Variants in SORCS3 observed in about 807,000 individuals in gnomAD.
SORCS3 encodes the protein sortilin related VPS10 domain containing receptor 3.
In SORCS3, 57 loss-of-function variants were observed where a neutral mutation model predicts 146.3. That is an observed-to-expected ratio of 0.39 (90% CI 0.31 to 0.49). The LOEUF (loss-of-function observed/expected upper bound fraction) is 0.49, where lower values mean the gene tolerates loss of function less well. SORCS3 is among the 20% of genes least tolerant of loss of function. The probability of loss-of-function intolerance (pLI) is 0.92; values close to 1 mark genes in which losing one functional copy is unlikely to be tolerated. For synonymous variants in SORCS3, 653 were observed against 618.5 expected (o/e 1.06, Z -0.83); for missense variants, 1,341 against 1,575.5 (o/e 0.85, Z 2.52).
At position 104,937,945 on chromosome 10, in the gene SORCS3, G is replaced by C. The variant is rs145551392; in HGVS notation, c.795+22013G>C. Among the ~76,000 whole-genome samples, 570 of 152,296 alleles carry C rather than the reference G, an allele frequency of 3.7e-3. 5 individuals carry two copies. The highest frequency in any genetic ancestry group is 0.013 in the African/African-American group (529 of 41,552). ...AGTGGTTTGGATGCAGGTGCCAGTG[G>C]AGATGGAAGCCAGCCAAGTAGTAGA... On this transcript the variant is annotated intron_variant, in intron 3 of 26. Transcript: ENST00000369701.
intron 1 of SORCS3, among the ~76,000 whole-genome samples, chr10:104,681,507 G>A (rs1236839655): frequency 1.3e-5 from 2 of 152,192 alleles, no homozygotes; most frequent in African/African-American, 4.8e-5. Flanking sequence ...AAGGCTTGGT[G>A]GGATGAACAG....
At chr10:104,655,078 C>A (rs983042727) in intron 1 of SORCS3, among the ~76,000 whole-genome samples, 1 of 151,934 alleles carries the variant, frequency 6.6e-6, no homozygotes, top group African/African-American at 2.4e-5. Flanking sequence ...CATGGTGAAA[C>A]CTTGTCTCTA....
At chr10:104,916,772 A>T (rs1435982306) in intron 3 of SORCS3, among the ~76,000 whole-genome samples, 1 of 152,166 alleles carries the variant, frequency 6.6e-6, no homozygotes, top group East Asian at 1.9e-4. Context: ...AGGCTAAAAA[A>T]AAATGGCACC....
chr10:105,096,862 A>G (rs2055750221), intron 6 of SORCS3, among the ~76,000 whole-genome samples: 1 of 152,226 alleles, frequency 6.6e-6, no homozygotes, highest in Admixed American at 6.5e-5. Flanking sequence ...TATACTATGA[A>G]TGAAAAATTG....
Position 105,157,131 on chromosome 10 carries a change from T to C in SORCS3, c.1483-7T>C. On this transcript the variant is annotated splice_polypyrimidine_tract_variant and splice_region_variant and intron_variant, in intron 9 of 26. Transcript: ENST00000369701. ...CATGGTTCTCCATCTCTCACCTTTTTTCCTAGGTAGCAGGTATCAAAGGGA... is the reference window on the plus strand; with the variant it reads ...CATGGTTCTCCATCTCTCACCTTTTCTCCTAGGTAGCAGGTATCAAAGGGA... 1.2e-6 allele frequency: 2 copies of C among 1,613,724 alleles called. No individual in the cohort carries two copies. The highest frequency in any genetic ancestry group is 8.5e-7 in the Non-Finnish European group (1 of 1,179,758).
intron 1 of SORCS3, among the ~76,000 whole-genome samples, chr10:104,800,956 G>A (rs2017617603): frequency 6.6e-6 from 1 of 152,208 alleles, no homozygotes; most frequent in African/African-American, 2.4e-5. Context: ...CTGCTTCTAT[G>A]AAGTGTTTTA....
intron 1 of SORCS3, among the ~76,000 whole-genome samples, chr10:104,738,641 C>A (rs570215537): frequency 6.6e-6 from 1 of 152,098 alleles, no homozygotes; most frequent in African/African-American, 2.4e-5. Flanking sequence ...GAAGAATGGA[C>A]GCACGGGCTT....
At chr10:105,237,286 G>A (rs553104262) in intron 20 of SORCS3, among the ~76,000 whole-genome samples, 10 of 152,212 alleles carry the variant, frequency 6.6e-5, no homozygotes, top group African/African-American at 2.2e-4. Context: ...TAATTTCTTT[G>A]AGTCTCAGTT....
intron 1 of SORCS3, among the ~76,000 whole-genome samples, chr10:104,760,045 C>T (rs760549943): frequency 3.3e-5 from 5 of 152,280 alleles, no homozygotes; most frequent in East Asian, 1.9e-4. Flanking sequence ...GAACAGGAGT[C>T]GGTCATGCAA....
chr10:104,843,007 G>A (rs548146205), intron 2 of SORCS3, 148 bp downstream of exon 2: 1 of 657,590 alleles, frequency 1.5e-6, no homozygotes, highest in South Asian at 1.8e-5. Flanking sequence ...GGAACTGATG[G>A]CCCCCACCTG....
chr10:104,933,979 G>C (rs879264639), intron 3 of SORCS3, among the ~76,000 whole-genome samples: 6 of 152,130 alleles, frequency 3.9e-5, no homozygotes, highest in Admixed American at 2.0e-4. Context: ...ACTTTTAGTA[G>C]AGATGGGGTT....
chr10:105,214,701 C>A, intron 18 of SORCS3, 88 bp downstream of exon 18: 1 of 1,267,702 alleles, frequency 7.9e-7, no homozygotes, highest in Non-Finnish European at 1.1e-6. Context: ...TCCCACAGAC[C>A]CCTGCACCAA....
intron 1 of SORCS3, among the ~76,000 whole-genome samples, chr10:104,742,326 T>A (rs1321020827): frequency 1.3e-5 from 2 of 152,182 alleles, no homozygotes; most frequent in African/African-American, 2.4e-5. Context: ...TGGTGCTGGG[T>A]GACAAGTCAT....
At chr10:105,149,309 A>C (rs1006731353) in intron 9 of SORCS3, among the ~76,000 whole-genome samples, 1 of 152,166 alleles carries the variant, frequency 6.6e-6, no homozygotes. Flanking sequence ...GAAGGAGTGA[A>C]TGTCATTCGG....
rs749653610 is a variant in SORCS3, at chr10:104,740,111, A to G, written c.627+98157A>G. 1.9e-4 allele frequency among the ~76,000 whole-genome samples: 29 copies of G among 152,204 alleles called. 1 individual carries two copies. The highest frequency in any genetic ancestry group is 3.2e-4 in the Non-Finnish European group (22 of 68,030). On this transcript the variant is annotated intron_variant, in intron 1 of 26. Coordinates refer to ENST00000369701, the MANE Select transcript of SORCS3 (RefSeq NM_014978.3). ...GATTAAAACATGCAAAAAGGTATGC[A>G]TTTACAATTTTGCAGTGCGTACTAA...
intron 4 of SORCS3, among the ~76,000 whole-genome samples, chr10:104,991,775 A>C (rs2054996058): frequency 6.6e-6 from 1 of 152,192 alleles, no homozygotes; most frequent in Admixed American, 6.5e-5. Context: ...CTGGGATTAT[A>C]GGCGTGAGCC....
At chr10:104,828,391 C>T (rs1322801513) in intron 1 of SORCS3, among the ~76,000 whole-genome samples, 4 of 152,074 alleles carry the variant, frequency 2.6e-5, no homozygotes, top group East Asian at 1.9e-4. Flanking sequence ...GGGGAACAGC[C>T]GATCAGTGGA....
At chr10:105,021,340 C>T (rs1680251716) in intron 4 of SORCS3, among the ~76,000 whole-genome samples, 1 of 152,120 alleles carries the variant, frequency 6.6e-6, no homozygotes, top group Non-Finnish European at 1.5e-5. Flanking sequence ...CTATATTAAT[C>T]CATTCATGAG....
intron 3 of SORCS3, among the ~76,000 whole-genome samples, chr10:104,928,722 G>A (rs1204411735): frequency 6.6e-6 from 1 of 152,138 alleles, no homozygotes; most frequent in Non-Finnish European, 1.5e-5. Flanking sequence ...GATGGCTCAG[G>A]GGTGGGTTTG....
Sources: gnomAD v4.1 joint callset for allele counts (sites outside exome capture counted in the v4.1 genomes callset) on GRCh38, gnomAD v4.1.1 for gene constraint, MANE v1.5 for transcripts, NCBI Gene and HGNC (gene_info 2026-07-23, HGNC 2026-07-21) for gene names.